The following MEST variants were observed in gnomAD, a reference collection of about 807,000 sequenced individuals.
MEST encodes the protein mesoderm specific transcript, also known as mesoderm-specific transcript homolog protein.
A neutral mutation model predicts 50.9 loss-of-function variants in MEST; 18 were observed. The ratio of observed to expected loss-of-function variants is 0.35; its 90% CI spans 0.24 to 0.52. The LOEUF is 0.52. Among genes scored for constraint, MEST ranks in the 20% least tolerant of loss-of-function variants. The pLI, the probability that MEST is intolerant of heterozygous loss-of-function variation, is 0.94. For synonymous variants in MEST, 130 were observed against 154.1 expected, an observed-to-expected ratio of 0.84 and a Z score of 1.16; for missense variants, 282 against 425.3, an observed-to-expected ratio of 0.66 and a Z score of 2.96.
At chr7:130,498,382 G>GCTCAGCTACATGTGTGTTTC in intron 5 of MEST, 37 bp from the exon 6 acceptor site, 1 of 1,613,640 alleles carries the variant, frequency 6.2e-7, no homozygotes, top group Non-Finnish European at 8.5e-7. Flanking sequence ...GTTTAAGTTT[G>GCTCAGCTACATGTGTGTTTC]CTCAGCTACA....
In MEST at chr7:130,500,687, T is replaced by TCAGACTGCATGGCC. The variant is rs552182150; in HGVS notation, c.648-87_648-74dup. The TCAGACTGCATGGCC allele has an allele frequency of 1.7e-6, 2 of 1,190,198 alleles. No individual in the cohort carries two copies. 73.7% of individuals were successfully genotyped at this position (1,190,198 alleles called of 1,614,324 possible). On this transcript the variant is annotated intron_variant, in intron 8 of 11. Transcript: ENST00000223215. The surrounding 1 kb of genome is among the most constrained non-coding windows in gnomAD (Gnocchi z 5.0). ...AAGGAATTCATAAATCACTTATGGG[T>TCAGACTGCATGGCC]CAGACTGCATGGCCCAGACTGCATG...
chr7:130,497,567 T>C lies in MEST; in HGVS notation c.261+332T>C. The C allele has an allele frequency of 4.1e-6, 1 of 242,202 alleles. No individual in the cohort carries two copies. 15.0% of individuals were successfully genotyped at this position (242,202 alleles called of 1,614,324 possible). Reference sequence around the variant, plus strand: ...GCGAGAGTCTGTCTCAAAAAAAAATTTTTTTTTAATAAAAATTTAAAAAAC... The same window carrying C: ...GCGAGAGTCTGTCTCAAAAAAAAATCTTTTTTTAATAAAAATTTAAAAAAC... On this transcript the variant is annotated intron_variant, in intron 3 of 11. Coordinates refer to ENST00000223215, the MANE Select transcript of MEST (RefSeq NM_002402.4). The surrounding 1 kb of genome is among the most constrained non-coding windows in gnomAD (Gnocchi z 4.0).
chr7:130,493,645 A>C (rs1444361532), intron 1 of MEST, among the ~76,000 whole-genome samples: 6 of 152,138 alleles, frequency 3.9e-5, no homozygotes, highest in Non-Finnish European at 5.9e-5. Context: ...ACTTTCCCTG[A>C]GCAGCGGCGG....
intron 2 of MEST, 162 bp downstream of exon 2, chr7:130,495,684 C>A: frequency 2.9e-6 from 2 of 687,454 alleles, no homozygotes; most frequent in South Asian, 2.9e-5. Context: ...CAGAAAACTG[C>A]TGGGAGAATG....
chr7:130,502,756 G>A, intron 10 of MEST, 36 bp downstream of exon 10: 1 of 1,512,038 alleles, frequency 6.6e-7, no homozygotes, highest in East Asian at 2.3e-5. Flanking sequence ...GAAACTGAAG[G>A]ACTATAGGGT....
Position 130,505,084 on chromosome 7 carries a change from C to T in MEST, c.*28C>T, listed in dbSNP as rs1554439580. On this transcript the variant is annotated 3_prime_UTR_variant, in exon 12 of 12. Coordinates refer to ENST00000223215, the MANE Select transcript of MEST (RefSeq NM_002402.4). ...TGGAAAGAGTAGCTTCCCTGTATTA[C>T]CTCCCCTACTCCCTTATGTGTTGTG... is the stretch of plus-strand genomic sequence containing the variant. 1.1e-5 allele frequency: 16 copies of T among 1,474,428 alleles called. No individual in the cohort carries two copies. Among genetic ancestry groups the T allele is most frequent in the Non-Finnish European group, 1.5e-5 (16 of 1,054,408 alleles). 91.3% of individuals were successfully genotyped at this position (1,474,428 alleles called of 1,614,324 possible).
At chr7:130,501,753 T>G (rs1160208651) in intron 9 of MEST, among the ~76,000 whole-genome samples, 5 of 152,126 alleles carry the variant, frequency 3.3e-5, no homozygotes, top group African/African-American at 1.2e-4. Context: ...CGCCTGTAAT[T>G]TGAGCACTTT....
At chr7:130,498,629 T>G (rs1213766169) in intron 6 of MEST, 152 bp downstream of exon 6, 3 of 703,064 alleles carry the variant, frequency 4.3e-6, no homozygotes, top group Admixed American at 5.2e-5. Context: ...ACTCCTTTGG[T>G]GGTCTGACAA....
intron 1 of MEST, chr7:130,494,544 C>A (rs1427927252): frequency 6.6e-6 from 1 of 152,166 alleles, no homozygotes; most frequent in Non-Finnish European, 1.5e-5. Context: ...TCAATTCTCA[C>A]ACGCTGGGTA....
At position 130,495,149 on chromosome 7, in the gene MEST, A is replaced by AT. The variant is rs1310654165; in HGVS notation, c.27-211dup. 2.1e-4 allele frequency among the ~76,000 whole-genome samples: 32 copies of AT among 151,828 alleles called. 2 individuals are homozygous for AT. The highest frequency in any genetic ancestry group is 1.6e-3 in the Admixed American group (24 of 15,234). On this transcript the variant is annotated intron_variant, in intron 1 of 11. Transcript: ENST00000223215. The stretch of plus-strand genomic sequence containing the variant: ...AGAAGATTATATGTTGAAATAATGT[A>AT]TTTTTTTTCCTTAAGATTAGAATGA...
chr7:130,489,245 T>C (rs905713565), upstream of MEST: 1 of 152,192 alleles, frequency 6.6e-6, no homozygotes, highest in Non-Finnish European at 1.5e-5. Context: ...GGCGGAACTG[T>C]GTTAGACTTG....
At chr7:130,504,079 G>A in intron 11 of MEST, 83 bp downstream of exon 11, 1 of 1,112,096 alleles carries the variant, frequency 9.0e-7, no homozygotes, top group Non-Finnish European at 1.4e-6. Flanking sequence ...GAGGGCTATT[G>A]GCTCTAGCCA....
intron 1 of MEST, among the ~76,000 whole-genome samples, chr7:130,493,628 A>AC (rs1243485371): frequency 4.4e-4 from 66 of 150,782 alleles, no homozygotes; most frequent in Admixed American, 7.9e-4. Flanking sequence ...TCGTTTTTTA[A>AC]CCCCCCACTT....
Position 130,502,304 on chromosome 7 carries a change from G to A in MEST, c.750-340G>A, listed in dbSNP as rs146989843. Among the ~76,000 whole-genome samples the A allele has an allele frequency of 9.3e-3, 1,411 of 152,298 alleles. 15 individuals are homozygous for A. The highest frequency in any genetic ancestry group is 0.015 in the Non-Finnish European group (1,013 of 68,038). ...TTATATGTTTGAGTCAGAGAGGTAG[G>A]TAGTGGTGGAGCCTAAATTGGAACC... On this transcript the variant is annotated intron_variant, in intron 9 of 11. Transcript: ENST00000223215.
Position 130,500,381 on chromosome 7 carries a change from A to T in MEST, c.577-81A>T. The T allele has an allele frequency of 8.3e-7, 1 of 1,206,414 alleles. No homozygotes were observed. The highest frequency in any genetic ancestry group is 1.4e-5 in the South Asian group (1 of 70,626). 74.7% of individuals were successfully genotyped at this position (1,206,414 alleles called of 1,614,324 possible). A position where few individuals can be genotyped will look rare whatever the true frequency, so the allele number is the denominator to read the frequency against. On this transcript the variant is annotated intron_variant, in intron 7 of 11. Transcript: ENST00000223215. The surrounding 1 kb of genome is among the most constrained non-coding windows in gnomAD (Gnocchi z 5.0). ...TAGCAGGAGATTTGGCTAAAGATTT[A>T]GTTCCTAGTATAAAACCTTTTGCCC...
Position 130,500,141 on chromosome 7 carries a change from T to C in MEST, c.576+226T>C. ...CTAAGAATAAGAGATCAACAAATAT[T>C]TGGAGAAATTACAGCTATGGAAAGA... is the stretch of plus-strand genomic sequence containing the variant. On this transcript the variant is annotated intron_variant, in intron 7 of 11. Transcript: ENST00000223215. The surrounding 1 kb of genome is among the most constrained non-coding windows in gnomAD (Gnocchi z 5.0). 1 of 545,258 alleles carries C rather than the reference T, an allele frequency of 1.8e-6. No homozygotes were observed. The highest frequency in any genetic ancestry group is 2.9e-5 in the South Asian group (1 of 34,934). 33.8% of individuals were successfully genotyped at this position (545,258 alleles called of 1,614,324 possible). A position where few individuals can be genotyped will look rare whatever the true frequency, so the allele number is the denominator to read the frequency against.
At chr7:130,489,690 C>G (rs1272347824), upstream of MEST, 1 of 152,202 alleles carries the variant, frequency 6.6e-6, no homozygotes, top group Admixed American at 6.5e-5. Flanking sequence ...ACCTCAATCC[C>G]TCCTTCAAGG....
chr7:130,491,300 A>C (rs1798801205), upstream of MEST: 1 of 152,334 alleles, frequency 6.6e-6, no homozygotes, highest in South Asian at 2.1e-4. This position sits in a 1 kb window ranked among gnomAD's most constrained non-coding sequence, Gnocchi z 6.8. Context: ...TGCAGCGCGG[A>C]CCGGCGCATG....
In MEST at chr7:130,497,713, G is replaced by A. The variant is rs1799117407; in HGVS notation, c.262-223G>A. The A allele has an allele frequency of 1.7e-6, 1 of 581,760 alleles. No homozygotes were observed. The highest frequency in any genetic ancestry group is 2.9e-5 in the East Asian group (1 of 34,424). The allele number at this position is 581,760 out of a possible 1,614,324, so 36.0% of individuals were successfully genotyped here. On this transcript the variant is annotated intron_variant, in intron 3 of 11. Transcript: ENST00000223215. The surrounding 1 kb of genome is among the most constrained non-coding windows in gnomAD (Gnocchi z 4.0). ...GGAATAAACAACTCCTTGGCACTCTGGAAGGGATCACTGCCAAGTTACCCT... is the reference window on the plus strand; with the variant it reads ...GGAATAAACAACTCCTTGGCACTCTAGAAGGGATCACTGCCAAGTTACCCT...
Sources: gnomAD v4.1 joint callset for allele counts (sites outside exome capture counted in the v4.1 genomes callset) on GRCh38, gnomAD v4.1.1 for gene constraint, Gnocchi (gnomAD v3.1) non-coding constraint, MANE v1.5 for transcripts, NCBI Gene and HGNC (gene_info 2026-07-23, HGNC 2026-07-21) for gene names.